Variants in CELF2 observed in about 807,000 individuals in gnomAD.
The protein encoded by CELF2 is CUG triplet repeat RNA-binding protein 2.
CELF2 carries 8 observed loss-of-function variants against 62.6 expected under a neutral mutation model. The observed-to-expected ratio is 0.13, with a 90% CI of 0.07 to 0.23. The LOEUF (loss-of-function observed/expected upper bound fraction) is 0.23. Ranked by LOEUF, CELF2 falls within the 10% of genes least tolerant of loss-of-function variation. CELF2 has a pLI of 1.00. For missense variants in CELF2, 333 were observed against 671.0 expected (o/e 0.50, Z 5.56); for synonymous variants, 258 against 250.0 (o/e 1.03, Z -0.30).
intron 1 of CELF2, among the ~76,000 whole-genome samples, chr10:11,054,525 A>G (rs1229644988): frequency 1.1e-5 from 1 of 94,814 alleles, no homozygotes; most frequent in Non-Finnish European, 2.1e-5. Flanking sequence ...GTGTGTGTTA[A>G]TAGGACCGTC....
intron 1 of CELF2, among the ~76,000 whole-genome samples, chr10:11,088,148 G>T (rs1189676308): frequency 6.6e-6 from 1 of 152,210 alleles, no homozygotes; most frequent in Non-Finnish European, 1.5e-5. Flanking sequence ...GGTGAGGCAT[G>T]CCAGAAAGGA....
chr10:10,774,064 G>C, the CELF2 span, among the ~76,000 whole-genome samples: 1 of 152,176 alleles, frequency 6.6e-6, no homozygotes, highest in Non-Finnish European at 1.5e-5. Flanking sequence ...CTGGAGACTA[G>C]TCCCAAATCT....
Position 10,964,171 on chromosome 10 carries a change from G to C in CELF2, c.89+44172G>C, listed in dbSNP as rs147159264. Among the ~76,000 whole-genome samples the C allele has an allele frequency of 1.4e-3, 218 of 152,284 alleles. 1 individual carries two copies. The highest frequency in any genetic ancestry group is 4.7e-3 in the African/African-American group (197 of 41,564). On this transcript the variant is annotated intron_variant, in intron 2 of 13. Transcript: ENST00000636488. Reference sequence around the variant, plus strand: ...CAAGTTTGTAGTTAAACTCTCCTTTGAAAGCCATGGGATTCCTTTACCTTA... The same window carrying C: ...CAAGTTTGTAGTTAAACTCTCCTTTCAAAGCCATGGGATTCCTTTACCTTA...
At chr10:10,512,037 A>G in the CELF2 span, among the ~76,000 whole-genome samples, 4 of 152,212 alleles carry the variant, frequency 2.6e-5, no homozygotes, top group African/African-American at 9.6e-5. Context: ...AGGGATGTCA[A>G]AATCAGTATA....
intron 1 of CELF2, among the ~76,000 whole-genome samples, chr10:11,115,391 A>C (rs1231775705): frequency 2.0e-5 from 3 of 152,238 alleles, no homozygotes; most frequent in Non-Finnish European, 2.9e-5. Context: ...GAAAGGAAGA[A>C]CAGGGGTCAT....
At chr10:10,606,664 C>T in the CELF2 span, among the ~76,000 whole-genome samples, 18 of 152,084 alleles carry the variant, frequency 1.2e-4, no homozygotes, top group Admixed American at 3.3e-4. Flanking sequence ...GAGATTTTTG[C>T]GAAACATATT....
Position 11,062,567 on chromosome 10 carries a change from A to G in CELF2, c.74+44404A>G, listed in dbSNP as rs76592271. Among the ~76,000 whole-genome samples the G allele has an allele frequency of 2.1e-3, 319 of 152,244 alleles. 2 individuals carry two copies. Among genetic ancestry groups the G allele is most frequent in the East Asian group, 6.6e-3 (34 of 5,184 alleles). On this transcript the variant is annotated intron_variant, in intron 1 of 12. Transcript: ENST00000633077. ...TGGAGGAAGTCCCTGTATGGTGGAG[A>G]TAGCAAAGAATTCGAATTAGAGGTG...
the CELF2 span, among the ~76,000 whole-genome samples, chr10:10,736,322 TG>T: frequency 6.6e-6 from 1 of 151,960 alleles, no homozygotes; most frequent in Non-Finnish European, 1.5e-5. Context: ...TTTTGGCTTG[TG>T]GGGTTTGTTT....
chr10:11,099,562 G>A (rs901658609), intron 1 of CELF2, among the ~76,000 whole-genome samples: 4 of 152,220 alleles, frequency 2.6e-5, no homozygotes, highest in South Asian at 2.1e-4. Context: ...TAGAATTCCC[G>A]ATTTCCTTCT....
At chr10:10,759,115 G>A in the CELF2 span, among the ~76,000 whole-genome samples, 5 of 151,986 alleles carry the variant, frequency 3.3e-5, no homozygotes, top group East Asian at 1.9e-4. Context: ...CATCCATTCC[G>A]TGGACCTAAG....
the CELF2 span, among the ~76,000 whole-genome samples, chr10:10,585,997 T>C: frequency 1.3e-5 from 2 of 152,214 alleles, 1 homozygote; most frequent in South Asian, 4.1e-4. Context: ...TTTACTATTG[T>C]ATGTTCATAA....
At chr10:10,671,893 C>T in the CELF2 span, among the ~76,000 whole-genome samples, 1 of 152,064 alleles carries the variant, frequency 6.6e-6, no homozygotes, top group Non-Finnish European at 1.5e-5. Context: ...CCACACTTGG[C>T]TAATTCTTGT....
rs1565381934 is a variant in CELF2 at position 11,220,812 on chromosome 10, A to G, written c.354+3305A>G. On this transcript the variant is annotated intron_variant, in intron 3 of 12. Coordinates refer to ENST00000633077, the MANE Select transcript of CELF2 (RefSeq NM_001326342.2). This position sits in a 1 kb window ranked among gnomAD's most constrained non-coding sequence, Gnocchi z 4.4. ...TCCAGCAACAGAAGAAATTTTAGGT[A>G]CAGTGCCTCATTAGTTACTGACATT... is the stretch of plus-strand genomic sequence containing the variant. Among the ~76,000 whole-genome samples the G allele has an allele frequency of 6.6e-6, 1 of 152,230 alleles. No individual in the cohort carries two copies. Among genetic ancestry groups the G allele is most frequent in the Admixed American group, 6.5e-5 (1 of 15,288 alleles).
upstream of CELF2, among the ~76,000 whole-genome samples, chr10:11,002,930 T>C (rs985961303): frequency 2.6e-5 from 4 of 152,230 alleles, no homozygotes; most frequent in African/African-American, 9.6e-5. The surrounding 1 kb of genome is among the most constrained non-coding windows in gnomAD (Gnocchi z 4.4). Flanking sequence ...AACAAATATG[T>C]ATTAATTATC....
chr10:11,160,594 T>G (rs2065474949), intron 1 of CELF2, among the ~76,000 whole-genome samples: 1 of 151,350 alleles, frequency 6.6e-6, no homozygotes, highest in Admixed American at 6.6e-5. Flanking sequence ...TACAGAACAT[T>G]TCCTTCATGG....
At chr10:11,231,747 C>T (rs77091083) in intron 3 of CELF2, among the ~76,000 whole-genome samples, 2,292 of 146,328 alleles carry the variant, frequency 0.016, 64 homozygotes, top group African/African-American at 0.055. Flanking sequence ...ATAGAGGAGA[C>T]AGCTTTCCAA....
the CELF2 span, among the ~76,000 whole-genome samples, chr10:10,542,177 C>A: frequency 6.6e-6 from 1 of 152,280 alleles, no homozygotes; most frequent in African/African-American, 2.4e-5. Flanking sequence ...TGACGGGTAT[C>A]ACGTCACCTA....
chr10:10,541,757 G>A, the CELF2 span, among the ~76,000 whole-genome samples: 3 of 152,082 alleles, frequency 2.0e-5, no homozygotes, highest in East Asian at 1.9e-4. Context: ...GGTTTTGACC[G>A]GTTTCTTTAC....
intron 2 of CELF2, among the ~76,000 whole-genome samples, chr10:10,967,619 T>G (rs1387623361): frequency 6.6e-6 from 1 of 152,176 alleles, no homozygotes; most frequent in African/African-American, 2.4e-5. Context: ...TAGTTTGCCG[T>G]GCAGCCTAAG....
Sources: gnomAD v4.1 joint callset for allele counts (sites outside exome capture counted in the v4.1 genomes callset) on GRCh38, gnomAD v4.1.1 for gene constraint, Gnocchi (gnomAD v3.1) non-coding constraint, MANE v1.5 for transcripts, NCBI Gene and HGNC (gene_info 2026-07-23, HGNC 2026-07-21) for gene names.